The following NFIB variants were observed in gnomAD, a reference collection of about 807,000 sequenced individuals.
The protein encoded by NFIB is nuclear factor I B.
A neutral mutation model predicts 61.5 loss-of-function variants in NFIB; 11 were observed. The observed-to-expected ratio is 0.18, with a 90% CI of 0.11 to 0.30. The LOEUF (loss-of-function observed/expected upper bound fraction) is 0.30, where lower values mean the gene tolerates loss of function less well. NFIB is among the 10% of genes least tolerant of loss of function. The pLI is 1.00. For synonymous variants in NFIB, 260 were observed against 216.5 expected (o/e 1.20, Z -1.76); for missense variants, 471 against 608.9 (o/e 0.77, Z 2.38).
At chr9:14,286,482 A>G (rs1317325325) in intron 2 of NFIB, among the ~76,000 whole-genome samples, 1 of 152,240 alleles carries the variant, frequency 6.6e-6, no homozygotes, top group Admixed American at 6.5e-5. Flanking sequence ...AGAAAATTAT[A>G]CTTGTTCATC....
chr9:14,343,941 A>G (rs144674809), intron 1 of NFIB, among the ~76,000 whole-genome samples: 1 of 152,290 alleles, frequency 6.6e-6, no homozygotes, highest in African/African-American at 2.4e-5. Context: ...CCTGGCAGAG[A>G]GTGCTGCAAA....
At chr9:14,371,441 T>G (rs965515914) in intron 1 of NFIB, among the ~76,000 whole-genome samples, 4 of 152,002 alleles carry the variant, frequency 2.6e-5, no homozygotes, top group Non-Finnish European at 4.4e-5. Flanking sequence ...GGCTGGGGAG[T>G]CAGGGGCTAT....
At chr9:14,356,212 C>G (rs1203033626) in intron 1 of NFIB, among the ~76,000 whole-genome samples, 2 of 152,142 alleles carry the variant, frequency 1.3e-5, no homozygotes, top group African/African-American at 4.8e-5. Context: ...TTCCCATTCT[C>G]TGGTAGTCAC....
At chr9:14,129,060 C>T (rs924326859) in intron 6 of NFIB, among the ~76,000 whole-genome samples, 37 of 151,776 alleles carry the variant, frequency 2.4e-4, no homozygotes, top group African/African-American at 8.5e-4. Flanking sequence ...AATAACGGTA[C>T]GTTCATAGAG....
intron 2 of NFIB, among the ~76,000 whole-genome samples, chr9:14,205,735 A>G (rs1253252943): frequency 1.3e-5 from 2 of 152,224 alleles, no homozygotes; most frequent in African/African-American, 4.8e-5. Flanking sequence ...ATGCTGACAC[A>G]AACTGGTGGT....
the NFIB span, among the ~76,000 whole-genome samples, chr9:14,469,478 T>G: frequency 2.0e-5 from 3 of 152,192 alleles, no homozygotes; most frequent in Non-Finnish European, 4.4e-5. Flanking sequence ...CCTTTGCCCA[T>G]CCTCTGGTTC....
the NFIB span, among the ~76,000 whole-genome samples, chr9:14,478,471 T>C: frequency 6.6e-6 from 1 of 152,214 alleles, no homozygotes; most frequent in Non-Finnish European, 1.5e-5. Flanking sequence ...TAGAACACCA[T>C]TTAACAGAGT....
At chr9:14,250,249 T>C (rs573818619) in intron 2 of NFIB, among the ~76,000 whole-genome samples, 1 of 147,778 alleles carries the variant, frequency 6.8e-6, no homozygotes, top group South Asian at 2.2e-4. Context: ...CATTAGACAG[T>C]GTCTGTGCAT....
At chr9:14,414,342 G>T in the NFIB span, among the ~76,000 whole-genome samples, 1 of 151,108 alleles carries the variant, frequency 6.6e-6, no homozygotes. Flanking sequence ...GGCTGAGGCA[G>T]GAGAATTGCT....
the NFIB span, among the ~76,000 whole-genome samples, chr9:14,453,235 T>G: frequency 6.6e-6 from 1 of 152,232 alleles, no homozygotes; most frequent in African/African-American, 2.4e-5. Context: ...TGATCCAGTG[T>G]GTGTAATGTA....
intron 2 of NFIB, among the ~76,000 whole-genome samples, chr9:14,216,926 A>C (rs2050993036): frequency 6.6e-6 from 1 of 152,254 alleles, no homozygotes; most frequent in Admixed American, 6.5e-5. Context: ...TGAAAACTTT[A>C]AAAGCTAGAA....
chr9:14,171,228 T>G (rs1385602484), intron 3 of NFIB, among the ~76,000 whole-genome samples: 1 of 152,214 alleles, frequency 6.6e-6, no homozygotes, highest in East Asian at 1.9e-4. Flanking sequence ...TAAATGCTGC[T>G]CAAGCCTTGC....
At chr9:14,185,870 A>G (rs2047282683) in intron 2 of NFIB, among the ~76,000 whole-genome samples, 1 of 152,348 alleles carries the variant, frequency 6.6e-6, no homozygotes, top group Admixed American at 6.5e-5. Context: ...TAGGGTGGAT[A>G]AGACATACTA....
intron 6 of NFIB, among the ~76,000 whole-genome samples, chr9:14,140,950 T>A (rs2041634320): frequency 1.3e-5 from 2 of 152,254 alleles, no homozygotes; most frequent in East Asian, 1.9e-4. Context: ...TGGCCTCTGA[T>A]TCTGGTTCTG....
chr9:14,326,240 CTCT>C (rs1429058183), intron 1 of NFIB, among the ~76,000 whole-genome samples: 1 of 152,156 alleles, frequency 6.6e-6, no homozygotes, highest in Non-Finnish European at 1.5e-5. Flanking sequence ...TTCATTATGC[CTCT>C]TCTTTAGATA....
intron 2 of NFIB, among the ~76,000 whole-genome samples, chr9:14,219,193 A>G (rs536823278): frequency 6.6e-6 from 1 of 152,258 alleles, no homozygotes; most frequent in South Asian, 2.1e-4. Context: ...GCCATGTTTA[A>G]AGGAGTTTTG....
chr9:14,180,496 A>C (rs1414920315), intron 2 of NFIB, among the ~76,000 whole-genome samples: 1 of 152,162 alleles, frequency 6.6e-6, no homozygotes, highest in East Asian at 1.9e-4. Flanking sequence ...ACCCCATACT[A>C]TTCCTCATTG....
chr9:14,278,378 G>A lies in NFIB; in HGVS notation c.562+28611C>T, dbSNP rs73645038. Among the ~76,000 whole-genome samples, 971 of 152,350 alleles carry A rather than the reference G, an allele frequency of 6.4e-3. 16 individuals carry two copies. The highest frequency in any genetic ancestry group is 0.022 in the African/African-American group (901 of 41,588). ...TACAGAAAGATTAGTTTATACAGCT[G>A]CTGTTATTTGTCATAACATTCCTAA... is the stretch of plus-strand genomic sequence containing the variant. On this transcript the variant is annotated intron_variant, in intron 2 of 10. Coordinates refer to ENST00000380953, the MANE Select transcript of NFIB (RefSeq NM_001190737.2).
the NFIB span, among the ~76,000 whole-genome samples, chr9:14,438,174 A>G: frequency 2.0e-5 from 3 of 152,202 alleles, no homozygotes; most frequent in African/African-American, 4.8e-5. Flanking sequence ...AAGGGTACCA[A>G]GGATTGCTCA....
Sources: allele counts gnomAD v4.1 joint callset (sites outside exome capture counted in the v4.1 genomes callset), GRCh38; gene constraint gnomAD v4.1.1; transcripts MANE v1.5; gene names NCBI Gene and HGNC (gene_info 2026-07-23, HGNC 2026-07-21).